Variants in SNTB2 observed in about 807,000 individuals in gnomAD.
SNTB2 encodes the protein syntrophin beta 2, also known as beta-2-syntrophin.
Under a neutral mutation model 46.2 loss-of-function variants are expected in SNTB2, and 34 were observed. The ratio of observed to expected loss-of-function variants is 0.74; its 90% CI spans 0.56 to 0.98. The LOEUF (loss-of-function observed/expected upper bound fraction) is 0.98. Ranked by LOEUF, SNTB2 falls within the 50% of genes least tolerant of loss-of-function variation. The pLI, the probability that SNTB2 is intolerant of heterozygous loss-of-function variation, is 0.00. For synonymous variants in SNTB2, 290 were observed against 312.6 expected, an observed-to-expected ratio of 0.93 and a Z score of 0.76; for missense variants, 603 against 731.4, an observed-to-expected ratio of 0.82 and a Z score of 2.02.
chr16:69,279,872 T>A (rs994529721), intron 4 of SNTB2, among the ~76,000 whole-genome samples: 61 of 149,142 alleles, frequency 4.1e-4, no homozygotes, highest in Middle Eastern at 3.4e-3. Flanking sequence ...TTAATTAATT[T>A]ATTTATTTAT....
intron 1 of SNTB2, among the ~76,000 whole-genome samples, chr16:69,195,010 A>G (rs535340925): frequency 4.6e-5 from 7 of 152,362 alleles, no homozygotes; most frequent in African/African-American, 1.7e-4. Flanking sequence ...CTTTTAAAAA[A>G]TGCTTGACAT....
chr16:69,279,515 CTTTTTTTT>C (rs57637291), intron 4 of SNTB2, among the ~76,000 whole-genome samples: 7 of 71,734 alleles, frequency 9.8e-5, no homozygotes, highest in Middle Eastern at 0.011. Context: ...GTCCTTTGCC[CTTTTTTTT>C]TTTTTTTTTT....
At position 69,234,995 on chromosome 16, in the gene SNTB2, G is replaced by A. The variant is rs185113813; in HGVS notation, c.581-10607G>A. Among the ~76,000 whole-genome samples the A allele has an allele frequency of 2.3e-3, 347 of 152,154 alleles. 5 individuals are homozygous for A. The Middle Eastern group carries it at 0.065, about 28-fold the overall frequency. On this transcript the variant is annotated intron_variant, in intron 1 of 6. Transcript: ENST00000336278. ...TGGGATTACAGGTGTGAGCCACTGC[G>A]CCCGGCTCTCAACTTGGTTCTTTAT...
chr16:69,254,415 C>A (rs191294751), intron 2 of SNTB2, among the ~76,000 whole-genome samples: 4 of 152,288 alleles, frequency 2.6e-5, no homozygotes, highest in Admixed American at 2.6e-4. Flanking sequence ...CCTCTCTTTA[C>A]TAGCTTCCAA....
intron 5 of SNTB2, among the ~76,000 whole-genome samples, chr16:69,291,470 G>A (rs1010403044): frequency 6.6e-6 from 1 of 152,150 alleles, no homozygotes; most frequent in Admixed American, 6.5e-5. Context: ...TCAGCACTTT[G>A]GGAGGCCAAG....
At chr16:69,295,061 T>C (rs1965209401) in intron 5 of SNTB2, among the ~76,000 whole-genome samples, 1 of 151,832 alleles carries the variant, frequency 6.6e-6, no homozygotes, top group Non-Finnish European at 1.5e-5. Flanking sequence ...GCTCAGGCAA[T>C]CCACCTGCCT....
chr16:69,282,464 G>C (rs1025333502), intron 4 of SNTB2, among the ~76,000 whole-genome samples: 3 of 152,084 alleles, frequency 2.0e-5, no homozygotes, highest in Admixed American at 2.0e-4. Context: ...TCTTTTGCCA[G>C]TTCCACACTG....
chr16:69,265,737 G>T (rs1964877690), intron 3 of SNTB2, among the ~76,000 whole-genome samples: 1 of 150,300 alleles, frequency 6.7e-6, no homozygotes, highest in African/African-American at 2.4e-5. Context: ...TGAGGCAGGA[G>T]AATTGTTTGA....
chr16:69,245,939 C>T, intron 2 of SNTB2, 124 bp downstream of exon 2: 3 of 999,644 alleles, frequency 3.0e-6, no homozygotes, highest in South Asian at 3.1e-5. Flanking sequence ...GTGAGAGATG[C>T]ATTTTTGGGG....
intron 3 of SNTB2, among the ~76,000 whole-genome samples, chr16:69,269,557 A>G (rs903064331): frequency 6.6e-6 from 1 of 152,196 alleles, no homozygotes; most frequent in African/African-American, 2.4e-5. Context: ...ATTGCACAAA[A>G]TAAGAGAGTT....
chr16:69,190,798 G>A lies in SNTB2; in HGVS notation c.580+3052G>A, dbSNP rs78942696. 2.1e-4 allele frequency among the ~76,000 whole-genome samples: 32 copies of A among 152,258 alleles called. No homozygotes were observed. In the East Asian group the frequency reaches 5.8e-3, roughly 28 times the overall value. ...CTGGCTAGTGGTTTGTAACCCCTAGGCAAGTTACTTAATCTTGCTAAGTAA... is the reference window on the plus strand; with the variant it reads ...CTGGCTAGTGGTTTGTAACCCCTAGACAAGTTACTTAATCTTGCTAAGTAA... On this transcript the variant is annotated intron_variant, in intron 1 of 6. Transcript: ENST00000336278.
intron 5 of SNTB2, among the ~76,000 whole-genome samples, chr16:69,294,084 G>C (rs779272630): frequency 1.3e-5 from 2 of 152,152 alleles, no homozygotes; most frequent in East Asian, 1.9e-4. Context: ...CTGGAGAGCA[G>C]TGTCACGAAC....
intron 3 of SNTB2, among the ~76,000 whole-genome samples, chr16:69,261,009 G>A (rs1390221899): frequency 6.6e-6 from 1 of 152,078 alleles, no homozygotes; most frequent in South Asian, 2.1e-4. Context: ...GTGACATTAT[G>A]TTACATCTTT....
chr16:69,199,456 G>T (rs1042947065), intron 1 of SNTB2, among the ~76,000 whole-genome samples: 8 of 151,886 alleles, frequency 5.3e-5, no homozygotes, highest in African/African-American at 1.7e-4. Flanking sequence ...TTGGCCTGGC[G>T]CAGTGGCTCA....
At chr16:69,197,877 A>G (rs1024225445) in intron 1 of SNTB2, among the ~76,000 whole-genome samples, 1 of 151,856 alleles carries the variant, frequency 6.6e-6, no homozygotes, top group Admixed American at 6.6e-5. Flanking sequence ...AGTACTATGG[A>G]TTCTGTATTG....
chr16:69,187,962 G>T (rs551819531), intron 1 of SNTB2, among the ~76,000 whole-genome samples: 2 of 152,096 alleles, frequency 1.3e-5, no homozygotes, highest in African/African-American at 4.8e-5. Flanking sequence ...GGGAAGACTC[G>T]GCTGAGATTG....
chr16:69,293,196 T>C (rs1298433422), intron 5 of SNTB2, among the ~76,000 whole-genome samples: 3 of 152,164 alleles, frequency 2.0e-5, no homozygotes, highest in African/African-American at 7.2e-5. Flanking sequence ...CTTTTCAATC[T>C]GATTGAGTCA....
At chr16:69,214,249 G>A (rs1156689436) in intron 1 of SNTB2, among the ~76,000 whole-genome samples, 1 of 151,302 alleles carries the variant, frequency 6.6e-6, no homozygotes, top group Admixed American at 6.6e-5. Context: ...TCCTGCCTCA[G>A]CCTCCCAAGT....
At chr16:69,191,073 A>G (rs1411331023) in intron 1 of SNTB2, 1 of 152,114 alleles carries the variant, frequency 6.6e-6, no homozygotes, top group Non-Finnish European at 1.5e-5. Context: ...TACCTGAAGA[A>G]GAATAGATGA....
Sources: allele counts gnomAD v4.1 joint callset (sites outside exome capture counted in the v4.1 genomes callset), GRCh38; gene constraint gnomAD v4.1.1; transcripts MANE v1.5; gene names NCBI Gene and HGNC (gene_info 2026-07-23, HGNC 2026-07-21).